ARHGEF3: variants seen among roughly 807,000 people sequenced by gnomAD.
ARHGEF3 encodes Rho guanine nucleotide exchange factor 3.
In ARHGEF3, 28 loss-of-function variants were observed where a neutral mutation model predicts 63.2. That is an observed-to-expected ratio of 0.44 (90% CI 0.33 to 0.61). ARHGEF3 has a LOEUF of 0.61. Ranked by LOEUF, ARHGEF3 falls within the 20% of genes least tolerant of loss-of-function variation. The pLI, the probability that ARHGEF3 is intolerant of heterozygous loss-of-function variation, is 0.03. For synonymous variants in ARHGEF3, 266 were observed against 254.2 expected, an observed-to-expected ratio of 1.05 and a Z score of -0.44; for missense variants, 533 against 659.3, an observed-to-expected ratio of 0.81 and a Z score of 2.10.
intron 2 of ARHGEF3, among the ~76,000 whole-genome samples, chr3:56,768,151 G>A (rs1578458323): frequency 1.3e-5 from 2 of 152,096 alleles, no homozygotes; most frequent in African/African-American, 4.8e-5. Context: ...CTGCCTTCTG[G>A]GTTCAAGCAA....
intron 8 of ARHGEF3, among the ~76,000 whole-genome samples, chr3:56,732,941 A>G: frequency 6.6e-6 from 1 of 152,142 alleles, no homozygotes; most frequent in East Asian, 1.9e-4. Flanking sequence ...TGAGGTTAGG[A>G]GTTCAAGACT....
At chr3:56,838,412 A>T (rs17216816) in intron 4 of ARHGEF3, among the ~76,000 whole-genome samples, 35,497 of 152,156 alleles carry the variant, frequency 0.23, 4,762 homozygotes, top group East Asian at 0.59. Flanking sequence ...TTATTATTTC[A>T]CTTTTCATTG....
chr3:56,895,564 C>T (rs920501353), intron 3 of ARHGEF3, among the ~76,000 whole-genome samples: 2 of 151,912 alleles, frequency 1.3e-5, no homozygotes, highest in Non-Finnish European at 2.9e-5. Context: ...CCTGGGTTCA[C>T]GCCATTCTCC....
intron 3 of ARHGEF3, 72 bp from the exon 4 acceptor site, chr3:56,753,638 T>G: frequency 1.5e-6 from 2 of 1,376,992 alleles, no homozygotes; most frequent in Non-Finnish European, 1.0e-6. Flanking sequence ...TAGTGCTGGC[T>G]CCACCACTCA....
chr3:56,860,929 G>C (rs184188875), intron 4 of ARHGEF3, among the ~76,000 whole-genome samples: 1 of 152,260 alleles, frequency 6.6e-6, no homozygotes, highest in East Asian at 1.9e-4. Flanking sequence ...GGCTACTAAA[G>C]AACAAAGAAG....
At chr3:56,954,860 A>T (rs1369823732) in intron 3 of ARHGEF3, among the ~76,000 whole-genome samples, 2 of 152,186 alleles carry the variant, frequency 1.3e-5, no homozygotes, top group Non-Finnish European at 2.9e-5. Flanking sequence ...AAAAACACAA[A>T]TGCAACTCCT....
intron 2 of ARHGEF3, among the ~76,000 whole-genome samples, chr3:56,982,328 C>A (rs971341934): frequency 4.0e-5 from 6 of 151,890 alleles, no homozygotes; most frequent in Non-Finnish European, 7.4e-5. Context: ...TGCTTTGTTT[C>A]TTTGCAAAAG....
At chr3:56,927,674 C>T (rs1302009648) in intron 3 of ARHGEF3, among the ~76,000 whole-genome samples, 1 of 152,060 alleles carries the variant, frequency 6.6e-6, no homozygotes, top group Non-Finnish European at 1.5e-5. Flanking sequence ...GTCAGGGATA[C>T]CTACCATGGA....
At chr3:56,774,249 C>G (rs1256422328) in intron 1 of ARHGEF3, among the ~76,000 whole-genome samples, 3 of 151,934 alleles carry the variant, frequency 2.0e-5, no homozygotes, top group Non-Finnish European at 4.4e-5. Context: ...TAAAGCCACT[C>G]TTATGCAATG....
Position 56,851,460 on chromosome 3 carries a change from T to C in ARHGEF3, c.192+30832A>G, listed in dbSNP as rs2039672242. 3.3e-5 allele frequency among the ~76,000 whole-genome samples: 5 copies of C among 152,322 alleles called. No homozygotes were observed. The South Asian group carries it at 1.0e-3, about 32-fold the overall frequency. The stretch of plus-strand genomic sequence containing the variant: ...TTTGTAAAGAAAAGAAATTTATTTC[T>C]TACAGTTCCGTAGGCTGAAAGAGTT... On this transcript the variant is annotated intron_variant, in intron 4 of 12. Transcript: ENST00000338458.
Position 56,892,895 on chromosome 3 carries a change from G to A in ARHGEF3, c.130-10541C>T, listed in dbSNP as rs572193057. Among the ~76,000 whole-genome samples the A allele has an allele frequency of 2.5e-4, 38 of 152,338 alleles. No individual in the cohort carries two copies. In the Middle Eastern group the frequency reaches 0.01, roughly 41 times the overall value. ...ACGGGCAGGCCTTTAACCCTAGGGA[G>A]AGCACAGTGCAAAGCTCCCTTTCAA... is the stretch of plus-strand genomic sequence containing the variant. On this transcript the variant is annotated intron_variant, in intron 3 of 12. Coordinates refer to the ARHGEF3 transcript ENST00000338458.
intron 1 of ARHGEF3, among the ~76,000 whole-genome samples, chr3:57,060,026 G>C (rs114322735): frequency 0.012 from 1,693 of 147,088 alleles, 27 homozygotes; most frequent in African/African-American, 0.04. Flanking sequence ...AAAATAAATA[G>C]ATGAAGTGAG....
At chr3:56,797,996 C>T (rs2037455971) in intron 1 of ARHGEF3, among the ~76,000 whole-genome samples, 1 of 152,150 alleles carries the variant, frequency 6.6e-6, no homozygotes, top group Non-Finnish European at 1.5e-5. Flanking sequence ...TTCTGCAAAT[C>T]GCTTCCCCTC....
chr3:56,837,038 C>T (rs9311623), intron 4 of ARHGEF3, among the ~76,000 whole-genome samples: 113,032 of 152,180 alleles, frequency 0.74, 42,203 homozygotes, highest in South Asian at 0.8. Flanking sequence ...TCCAAATATG[C>T]GGCATGAATT....
intron 2 of ARHGEF3, among the ~76,000 whole-genome samples, chr3:56,971,462 A>G (rs777739417): frequency 6.6e-6 from 1 of 152,052 alleles, no homozygotes; most frequent in Non-Finnish European, 1.5e-5. Context: ...GAGCTGTCCA[A>G]ATGAACAGCA....
At chr3:57,024,137 G>A (rs141838330) in intron 2 of ARHGEF3, among the ~76,000 whole-genome samples, 4 of 152,006 alleles carry the variant, frequency 2.6e-5, no homozygotes, top group Non-Finnish European at 4.4e-5. Context: ...CACAGCACTC[G>A]GGAACCCACC....
At chr3:57,037,525 T>TA (rs1704011559) in intron 1 of ARHGEF3, among the ~76,000 whole-genome samples, 1 of 152,226 alleles carries the variant, frequency 6.6e-6, no homozygotes, top group African/African-American at 2.4e-5. Context: ...GTCAGAGCTT[T>TA]AGGCTTTTCC....
intron 1 of ARHGEF3, among the ~76,000 whole-genome samples, chr3:57,045,181 C>T (rs989065308): frequency 1.3e-5 from 2 of 152,144 alleles, no homozygotes; most frequent in African/African-American, 2.4e-5. Flanking sequence ...GCAGGAGAAT[C>T]GCTTGAACCT....
upstream of ARHGEF3, among the ~76,000 whole-genome samples, chr3:56,805,333 C>T (rs542038700): frequency 6.6e-6 from 1 of 152,308 alleles, no homozygotes; most frequent in South Asian, 2.1e-4. Context: ...CTCCTGGTCT[C>T]AAGCAATCCT....
Sources: allele counts gnomAD v4.1 joint callset (sites outside exome capture counted in the v4.1 genomes callset), GRCh38; gene constraint gnomAD v4.1.1; transcripts MANE v1.5; gene names NCBI Gene and HGNC (gene_info 2026-07-23, HGNC 2026-07-21).